Variants in SEMA3A observed in about 807,000 individuals in gnomAD.
SEMA3A encodes semaphorin-3A.
Under a neutral mutation model 97.9 loss-of-function variants are expected in SEMA3A, and 29 were observed. The observed-to-expected ratio is 0.30, with a 90% CI of 0.22 to 0.40. SEMA3A has a LOEUF of 0.40. Ranked by LOEUF, SEMA3A falls within the 10% of genes least tolerant of loss-of-function variation. The pLI is 1.00. For missense variants in SEMA3A, 763 were observed against 951.3 expected (o/e 0.80, Z 2.60); for synonymous variants, 321 against 323.7 (o/e 0.99, Z 0.09).
intron 5 of SEMA3A, among the ~76,000 whole-genome samples, chr7:84,047,596 A>C (rs1792404550): frequency 1.3e-5 from 2 of 152,184 alleles, no homozygotes; most frequent in Non-Finnish European, 1.5e-5. Flanking sequence ...TCTTCCAGAA[A>C]ACATGTAATT....
At chr7:84,266,640 A>T (rs1404332115) in intron 3 of SEMA3A, among the ~76,000 whole-genome samples, 1 of 152,188 alleles carries the variant, frequency 6.6e-6, no homozygotes, top group Non-Finnish European at 1.5e-5. Flanking sequence ...AATTGAAAAG[A>T]AACGTAAGGT....
intron 2 of SEMA3A, among the ~76,000 whole-genome samples, chr7:84,368,625 A>G (rs1802905726): frequency 6.6e-6 from 1 of 150,918 alleles, no homozygotes; most frequent in Non-Finnish European, 1.5e-5. Context: ...AAAGCAAAAG[A>G]TGAACAAAAA....
At chr7:84,047,977 C>A (rs1336495809) in intron 5 of SEMA3A, among the ~76,000 whole-genome samples, 7 of 151,824 alleles carry the variant, frequency 4.6e-5, no homozygotes, top group Admixed American at 2.0e-4. Flanking sequence ...AAAAGCGACA[C>A]AGAGAAAATC....
At chr7:84,475,096 G>T (rs1028068877) in intron 1 of SEMA3A, among the ~76,000 whole-genome samples, 1 of 152,134 alleles carries the variant, frequency 6.6e-6, no homozygotes. Context: ...CCCCAAGAGT[G>T]CCGGGTCCCA....
At chr7:84,038,430 A>G (rs1792020583) in intron 6 of SEMA3A, among the ~76,000 whole-genome samples, 1 of 151,982 alleles carries the variant, frequency 6.6e-6, no homozygotes, top group African/African-American at 2.4e-5. Flanking sequence ...TTTTTGTAGT[A>G]GTTATTTTTC....
intron 3 of SEMA3A, among the ~76,000 whole-genome samples, chr7:84,263,556 C>T (rs1023220029): frequency 6.6e-6 from 1 of 152,220 alleles, no homozygotes; most frequent in Admixed American, 6.5e-5. Flanking sequence ...AAGATTAACT[C>T]AGTTTATATA....
chr7:84,471,740 A>C (rs1317558111), intron 1 of SEMA3A, among the ~76,000 whole-genome samples: 1 of 152,034 alleles, frequency 6.6e-6, no homozygotes, highest in Non-Finnish European at 1.5e-5. Flanking sequence ...CCCAACCAAA[A>C]AGAAACAGTC....
In SEMA3A at chr7:84,268,248, C is replaced by CAT. The variant is rs1800054777; in HGVS notation, c.-83+38957_-83+38958dup. On this transcript the variant is annotated intron_variant, in intron 3 of 3. Coordinates refer to the SEMA3A transcript ENST00000424555. ...AAAGATTTTTCCTGAGAGACATAAG[C>CAT]ATGTGTGTGTGTGTGTGTGTGTGTG... is the stretch of plus-strand genomic sequence containing the variant. 4.7e-5 allele frequency among the ~76,000 whole-genome samples: 5 copies of CAT among 106,690 alleles called. No homozygotes were observed. The South Asian group carries it at 1.4e-3, about 30-fold the overall frequency. 70.0% of individuals were successfully genotyped at this position (106,690 alleles called of 152,430 possible).
chr7:84,034,893 T>C (rs1381242545), intron 6 of SEMA3A, among the ~76,000 whole-genome samples: 1 of 152,168 alleles, frequency 6.6e-6, no homozygotes, highest in African/African-American at 2.4e-5. Flanking sequence ...TCCAACTTTC[T>C]TTTGAATAAG....
intron 1 of SEMA3A, among the ~76,000 whole-genome samples, chr7:84,444,969 G>C (rs1002053122): frequency 2.6e-5 from 4 of 151,940 alleles, no homozygotes; most frequent in Non-Finnish European, 4.4e-5. Flanking sequence ...GTTTGCTCTT[G>C]CTTCAATTTT....
At position 83,981,394 on chromosome 7, in the gene SEMA3A, A is replaced by C; in HGVS notation, c.1579T>G (p.Cys527Gly). The C allele has an allele frequency of 6.2e-7, 1 of 1,613,982 alleles. No individual in the cohort carries two copies. The highest frequency in any genetic ancestry group is 8.5e-7 in the Non-Finnish European group (1 of 1,179,928). The part of the protein sequence containing the change: ...CDIYGKACAE[C>G]CLARDPYCAW... ...CAGTAAGGGTCTCGGGCGAGGCAAC[A>C]CTCAGCACACGCTTTCCCGTAAATA... Residue 527 changes from cysteine (C) to glycine (G), a missense_variant, in exon 14 of 17, where the codon TGT (cysteine) becomes GGT (glycine). Transcript: ENST00000265362.
intron 3 of SEMA3A, among the ~76,000 whole-genome samples, chr7:84,285,712 C>T (rs960246889): frequency 5.9e-5 from 9 of 152,028 alleles, no homozygotes; most frequent in Admixed American, 5.2e-4. Context: ...TTTGGAAGAC[C>T]TAAGTGGGTG....
intron 3 of SEMA3A, among the ~76,000 whole-genome samples, chr7:84,254,117 G>T (rs1435884174): frequency 1.3e-5 from 2 of 152,178 alleles, no homozygotes; most frequent in East Asian, 3.9e-4. Flanking sequence ...CTGAAAGAGA[G>T]AACTGGAAAG....
chr7:84,220,863 C>T (rs1258327356), intron 3 of SEMA3A, among the ~76,000 whole-genome samples: 6 of 152,072 alleles, frequency 3.9e-5, no homozygotes, highest in Non-Finnish European at 5.9e-5. Flanking sequence ...CTAGGATCTT[C>T]AGAATGGTAA....
At chr7:84,482,465 CAAT>C (rs1166451190) in intron 1 of SEMA3A, among the ~76,000 whole-genome samples, 2 of 152,088 alleles carry the variant, frequency 1.3e-5, no homozygotes, top group African/African-American at 4.8e-5. Flanking sequence ...ATAGCATTGG[CAAT>C]AACATAGTAA....
intron 3 of SEMA3A, among the ~76,000 whole-genome samples, chr7:84,299,619 A>G (rs1303950889): frequency 3.3e-5 from 5 of 151,716 alleles, no homozygotes; most frequent in African/African-American, 1.2e-4. Context: ...TTACTTGACC[A>G]TGAGGAAAGC....
chr7:84,479,551 T>C (rs1266964854), intron 1 of SEMA3A, among the ~76,000 whole-genome samples: 1 of 152,170 alleles, frequency 6.6e-6, no homozygotes, highest in Non-Finnish European at 1.5e-5. Context: ...TACATCAGTA[T>C]GGGCAGCTAT....
intron 1 of SEMA3A, among the ~76,000 whole-genome samples, chr7:84,392,531 G>A (rs1229586157): frequency 1.3e-5 from 2 of 152,182 alleles, no homozygotes; most frequent in African/African-American, 4.8e-5. Context: ...AATAAACATG[G>A]ATGTGCAAAC....
intron 5 of SEMA3A, among the ~76,000 whole-genome samples, chr7:84,054,118 C>T (rs1217563079): frequency 4.6e-5 from 7 of 151,746 alleles, no homozygotes; most frequent in Non-Finnish European, 8.9e-5. Flanking sequence ...GAGGGTAACC[C>T]GACCTTTCTC....
Sources: allele counts gnomAD v4.1 joint callset (sites outside exome capture counted in the v4.1 genomes callset), GRCh38; gene constraint gnomAD v4.1.1; transcripts MANE v1.5; gene names NCBI Gene and HGNC (gene_info 2026-07-23, HGNC 2026-07-21).